DCC: variants seen among roughly 807,000 people sequenced by gnomAD.
The protein encoded by DCC is netrin receptor DCC.
Under a neutral mutation model 172.5 loss-of-function variants are expected in DCC, and 58 were observed. The ratio of observed to expected loss-of-function variants is 0.34; its 90% confidence interval spans 0.27 to 0.42. The LOEUF (loss-of-function observed/expected upper bound fraction) is 0.42. Among genes scored for constraint, DCC ranks in the 10% least tolerant of loss-of-function variants. The probability of loss-of-function intolerance (pLI) is 1.00; values close to 1 mark genes in which losing one functional copy is unlikely to be tolerated. For missense variants in DCC, 1,740 were observed against 1,791.0 expected (o/e 0.97, Z 0.51); for synonymous variants, 709 against 644.5 (o/e 1.10, Z -1.52).
At chr18:52,789,992 G>A (rs9946558) in intron 2 of DCC, among the ~76,000 whole-genome samples, 6,554 of 152,162 alleles carry the variant, frequency 0.043, 219 homozygotes, top group South Asian at 0.16. Flanking sequence ...CTCAAGATCA[G>A]AGCTTAAGGT....
At chr18:52,554,998 C>T (rs1330254341) in intron 1 of DCC, among the ~76,000 whole-genome samples, 1 of 151,942 alleles carries the variant, frequency 6.6e-6, no homozygotes, top group African/African-American at 2.4e-5. Context: ...TCTAAGCTAA[C>T]TTCTTTTGAG....
chr18:53,442,338 A>T (rs1210950420), intron 22 of DCC, among the ~76,000 whole-genome samples: 1 of 152,160 alleles, frequency 6.6e-6, no homozygotes, highest in African/African-American at 2.4e-5. Context: ...CTAATATTTC[A>T]AACTTTTAAA....
intron 13 of DCC, among the ~76,000 whole-genome samples, chr18:53,321,022 C>G (rs1377166565): frequency 6.6e-6 from 1 of 152,132 alleles, no homozygotes; most frequent in Non-Finnish European, 1.5e-5. Flanking sequence ...CCTTTCTAAC[C>G]ATTATTTAAA....
intron 7 of DCC, among the ~76,000 whole-genome samples, chr18:53,117,706 G>A (rs1273143382): frequency 6.6e-6 from 1 of 151,574 alleles, no homozygotes; most frequent in Non-Finnish European, 1.5e-5. Context: ...AGACCAGGAA[G>A]TAAATATTTC....
intron 12 of DCC, among the ~76,000 whole-genome samples, chr18:53,232,381 C>T (rs2056136108): frequency 6.6e-6 from 1 of 152,160 alleles, no homozygotes; most frequent in Admixed American, 6.6e-5. Context: ...TTCAGATGTG[C>T]TACAATCACA....
At chr18:53,349,691 C>G (rs1289924163) in intron 15 of DCC, among the ~76,000 whole-genome samples, 2 of 152,140 alleles carry the variant, frequency 1.3e-5, no homozygotes, top group Non-Finnish European at 2.9e-5. Context: ...GGCAGCAGGC[C>G]AAAAGAGAGC....
At chr18:52,829,401 A>G (rs2038570492) in intron 2 of DCC, among the ~76,000 whole-genome samples, 1 of 152,234 alleles carries the variant, frequency 6.6e-6, no homozygotes, top group Non-Finnish European at 1.5e-5. Flanking sequence ...CATCATCTCT[A>G]AAGTGAAGGA....
intron 5 of DCC, among the ~76,000 whole-genome samples, chr18:53,013,650 T>C (rs1205937241): frequency 6.6e-6 from 1 of 151,008 alleles, no homozygotes; most frequent in African/African-American, 2.4e-5. Flanking sequence ...ATGACACACG[T>C]ATACTTGTGT....
At chr18:53,265,654 T>C (rs149433009) in intron 12 of DCC, among the ~76,000 whole-genome samples, 16 of 152,316 alleles carry the variant, frequency 1.1e-4, no homozygotes, top group Middle Eastern at 6.8e-3. Context: ...TGGCATATAG[T>C]TCCAGAAATC....
chr18:53,401,452 A>G (rs1909286017), intron 18 of DCC, among the ~76,000 whole-genome samples: 1 of 152,188 alleles, frequency 6.6e-6, no homozygotes, highest in South Asian at 2.1e-4. Context: ...AGAAAATAGT[A>G]TGATAGATGG....
intron 13 of DCC, among the ~76,000 whole-genome samples, chr18:53,313,779 C>A (rs1462925527): frequency 1.3e-5 from 2 of 152,106 alleles, no homozygotes; most frequent in African/African-American, 4.8e-5. Context: ...GGCATGTGGG[C>A]CTTTGAAGGT....
chr18:53,520,245 C>T (rs548184351), intron 27 of DCC, among the ~76,000 whole-genome samples: 1 of 152,248 alleles, frequency 6.6e-6, no homozygotes, highest in South Asian at 2.1e-4. Flanking sequence ...GTGAGTCCAT[C>T]AGCAGATGAG....
chr18:53,065,308 C>G (rs544938077), intron 6 of DCC, among the ~76,000 whole-genome samples: 1 of 152,266 alleles, frequency 6.6e-6, no homozygotes, highest in South Asian at 2.1e-4. Context: ...AATTCTTACA[C>G]TAATATCGAA....
chr18:52,982,742 G>T (rs1030998277), intron 5 of DCC, among the ~76,000 whole-genome samples: 1 of 152,148 alleles, frequency 6.6e-6, no homozygotes, highest in African/African-American at 2.4e-5. Context: ...AGATTATCCT[G>T]TTGAATGTTA....
At chr18:53,233,349 C>T (rs1338744790) in intron 12 of DCC, among the ~76,000 whole-genome samples, 1 of 152,090 alleles carries the variant, frequency 6.6e-6, no homozygotes, top group Non-Finnish European at 1.5e-5. Context: ...CATTTTTTTG[C>T]CTATATCCAA....
intron 15 of DCC, among the ~76,000 whole-genome samples, chr18:53,346,365 T>C (rs932776952): frequency 2.0e-5 from 3 of 152,126 alleles, no homozygotes; most frequent in East Asian, 1.9e-4. Context: ...TCTTCAAATA[T>C]TTTTCCCCAC....
At chr18:52,998,550 C>T (rs1568235886) in intron 5 of DCC, among the ~76,000 whole-genome samples, 15 of 152,032 alleles carry the variant, frequency 9.9e-5, no homozygotes, top group Non-Finnish European at 1.6e-4. Flanking sequence ...AATCACCTGC[C>T]AGGACTCCAG....
chr18:53,039,865 A>C (rs547963981), intron 5 of DCC, among the ~76,000 whole-genome samples: 3 of 152,144 alleles, frequency 2.0e-5, no homozygotes, highest in African/African-American at 7.2e-5. Context: ...TATAGGTATT[A>C]AAAATATGTT....
At chr18:52,354,598 C>T (rs1984278707) in intron 1 of DCC, among the ~76,000 whole-genome samples, 1 of 152,166 alleles carries the variant, frequency 6.6e-6, no homozygotes, top group Non-Finnish European at 1.5e-5. Flanking sequence ...TTGGAGAAGT[C>T]ATGTCTAGCA....
Sources: allele counts gnomAD v4.1 joint callset (sites outside exome capture counted in the v4.1 genomes callset), GRCh38; gene constraint gnomAD v4.1.1; transcripts MANE v1.5; gene names NCBI Gene and HGNC (gene_info 2026-07-23, HGNC 2026-07-21).